The following PDE10A variants were observed in gnomAD, a reference collection of about 807,000 sequenced individuals.
The protein encoded by PDE10A is cAMP and cAMP-inhibited cGMP 3',5'-cyclic phosphodiesterase 10A.
PDE10A carries 39 observed loss-of-function variants against 97.7 expected under a neutral mutation model. That is an observed-to-expected ratio of 0.40 (90% confidence interval 0.31 to 0.52). PDE10A has a LOEUF of 0.52. PDE10A is among the 20% of genes least tolerant of loss of function. The pLI, the probability that PDE10A is intolerant of heterozygous loss-of-function variation, is 0.56. For synonymous variants in PDE10A, 371 were observed against 376.8 expected (o/e 0.98, Z 0.18); for missense variants, 731 against 1,047.8 (o/e 0.70, Z 4.17).
chr6:165,978,020 C>T (rs1026915043), intron 1 of PDE10A, among the ~76,000 whole-genome samples: 3 of 152,092 alleles, frequency 2.0e-5, no homozygotes, highest in Admixed American at 6.5e-5. Context: ...CAGAAGAGTC[C>T]CAGAGCAGGC....
chr6:165,922,242 G>A (rs1183069136), intron 1 of PDE10A, among the ~76,000 whole-genome samples: 1 of 152,146 alleles, frequency 6.6e-6, no homozygotes, highest in Non-Finnish European at 1.5e-5. Context: ...AGTGAGTTTG[G>A]TCTTGATTGC....
intron 1 of PDE10A, among the ~76,000 whole-genome samples, chr6:165,839,977 C>T: frequency 7.0e-6 from 1 of 143,814 alleles, no homozygotes; most frequent in Non-Finnish European, 1.5e-5. Flanking sequence ...GTCTTCATCC[C>T]CATCCCCATC....
chr6:165,448,383 G>A (rs1465504774), intron 5 of PDE10A, among the ~76,000 whole-genome samples: 1 of 152,144 alleles, frequency 6.6e-6, no homozygotes, highest in East Asian at 1.9e-4. Flanking sequence ...AGAAACGCAG[G>A]ATCCGGCCTG....
chr6:165,344,028 G>A (rs1782143720), intron 18 of PDE10A, among the ~76,000 whole-genome samples: 1 of 152,228 alleles, frequency 6.6e-6, no homozygotes, highest in Non-Finnish European at 1.5e-5. Flanking sequence ...CCCCGTGCAA[G>A]TGTGTGAGCT....
chr6:165,329,758 G>A lies in PDE10A; in HGVS notation c.*3267C>T, dbSNP rs1433318942. ...TCCAATTAGTTGCTTTTGTTGTGGT[G>A]AGAACGAGTCACCTGGGGCACCACT... is the stretch of plus-strand genomic sequence containing the variant. On this transcript the variant is annotated 3_prime_UTR_variant, in exon 22 of 22. Transcript: ENST00000539869. 6.6e-6 allele frequency: 1 copy of A among 152,178 alleles called. No homozygotes were observed. The highest frequency in any genetic ancestry group is 1.5e-5 in the Non-Finnish European group (1 of 68,026). 9.4% of individuals were successfully genotyped at this position (152,178 alleles called of 1,614,324 possible). A position where few individuals can be genotyped will look rare whatever the true frequency, so the allele number is the denominator to read the frequency against.
At chr6:165,669,959 T>C (rs554606273) in intron 1 of PDE10A, among the ~76,000 whole-genome samples, 1 of 152,348 alleles carries the variant, frequency 6.6e-6, no homozygotes, top group Non-Finnish European at 1.5e-5. Flanking sequence ...TTCCATGTCA[T>C]ACTGGTCATT....
Position 165,400,903 on chromosome 6 carries a change from C to T in PDE10A, c.2077-4444G>A, listed in dbSNP as rs560833181. Among the ~76,000 whole-genome samples, 61 of 152,222 alleles carry T rather than the reference C, an allele frequency of 4.0e-4. 1 individual carries two copies. Among genetic ancestry groups the T allele is most frequent in the Admixed American group, 9.2e-4 (14 of 15,278 alleles). On this transcript the variant is annotated intron_variant, in intron 13 of 21. Transcript: ENST00000539869. ...TAAAGAGGAATTAACTGTTTACGTA[C>T]ACAACACCAGCAATGAATCACAAAA... is the stretch of plus-strand genomic sequence containing the variant.
At chr6:165,943,346 G>GAAAAGAAAGAAAGAA (rs369730730) in intron 1 of PDE10A, among the ~76,000 whole-genome samples, 8 of 79,486 alleles carry the variant, frequency 1.0e-4, no homozygotes, top group African/African-American at 3.9e-4. Context: ...AGAAAGAAAA[G>GAAAAGAAAGAAAGAA]AGAAAGAAAG....
At chr6:165,405,557 T>G (rs577830639) in intron 13 of PDE10A, among the ~76,000 whole-genome samples, 2 of 152,226 alleles carry the variant, frequency 1.3e-5, no homozygotes, top group African/African-American at 4.8e-5. Flanking sequence ...TTCTAAGACT[T>G]TATTCACATA....
At chr6:165,715,591 C>A (rs145371890) in intron 1 of PDE10A, among the ~76,000 whole-genome samples, 1 of 152,262 alleles carries the variant, frequency 6.6e-6, no homozygotes, top group African/African-American at 2.4e-5. Context: ...GGGAGACACG[C>A]ACCCATGCAC....
At chr6:165,342,612 A>G (rs1219096357) in intron 19 of PDE10A, among the ~76,000 whole-genome samples, 1 of 152,248 alleles carries the variant, frequency 6.6e-6, no homozygotes, top group Non-Finnish European at 1.5e-5. Flanking sequence ...TGAATGAGAT[A>G]TACGATTGAA....
At chr6:165,606,495 C>T (rs778592039) in intron 1 of PDE10A, among the ~76,000 whole-genome samples, 3 of 152,116 alleles carry the variant, frequency 2.0e-5, no homozygotes, top group African/African-American at 7.2e-5. Context: ...GGAAAGTGAG[C>T]GTCGCCTATT....
At position 165,574,224 on chromosome 6, in the gene PDE10A, T is replaced by C. The variant is rs145942314; in HGVS notation, c.866-30656A>G. 1.5e-3 allele frequency among the ~76,000 whole-genome samples: 233 copies of C among 152,210 alleles called. 1 individual carries two copies. The highest frequency in any genetic ancestry group is 5.4e-3 in the African/African-American group (225 of 41,520). On this transcript the variant is annotated intron_variant, in intron 1 of 21. Transcript: ENST00000539869. ...CTACTTATGCAAATAAATGTCAAAG[T>C]TGTAGTCCAGAACAGTGACTCCATT...
At chr6:165,857,945 C>A (rs1418741972) in intron 1 of PDE10A, among the ~76,000 whole-genome samples, 2 of 152,158 alleles carry the variant, frequency 1.3e-5, no homozygotes, top group Non-Finnish European at 2.9e-5. Flanking sequence ...TCACTGATAA[C>A]TTCTTTTTCC....
Position 165,462,058 on chromosome 6 carries a change from CTTTTGCAGTG to C in PDE10A, c.1024-11706_1024-11697del, listed in dbSNP as rs200866712. Reference sequence around the variant, plus strand: ...GTCTTCTGCCTGTGTTAAATGTCACCTTTTGCAGTGTTTTGCAGTGATGGGTATTCCAGCT... The same window carrying C: ...GTCTTCTGCCTGTGTTAAATGTCACCTTTTGCAGTGATGGGTATTCCAGCT... On this transcript the variant is annotated intron_variant, in intron 3 of 21. Transcript: ENST00000539869. Among the ~76,000 whole-genome samples, 1,071 of 152,322 alleles carry C rather than the reference CTTTTGCAGTG, an allele frequency of 7.0e-3. 12 individuals carry two copies. Among genetic ancestry groups the C allele is most frequent in the African/African-American group, 0.024 (1,012 of 41,562 alleles).
chr6:165,581,878 G>C (rs1342217361), intron 1 of PDE10A, among the ~76,000 whole-genome samples: 2 of 152,334 alleles, frequency 1.3e-5, no homozygotes, highest in South Asian at 2.1e-4. Flanking sequence ...ATTTGGACTA[G>C]AAGTCTAACA....
intron 1 of PDE10A, among the ~76,000 whole-genome samples, chr6:165,943,346 G>GAAAGAAAGAAAGAAAGAAAA (rs369730730): frequency 1.3e-5 from 1 of 79,488 alleles, no homozygotes; most frequent in African/African-American, 5.5e-5. Flanking sequence ...AGAAAGAAAA[G>GAAAGAAAGAAAGAAAGAAAA]AGAAAGAAAG....
intron 18 of PDE10A, among the ~76,000 whole-genome samples, chr6:165,346,535 C>G (rs1185563801): frequency 2.0e-5 from 3 of 152,208 alleles, no homozygotes; most frequent in African/African-American, 7.2e-5. Context: ...GCGGGCACCT[C>G]TCCGCAGCGT....
chr6:165,741,685 A>G (rs73788777), intron 1 of PDE10A, among the ~76,000 whole-genome samples: 13,901 of 152,226 alleles, frequency 0.091, 792 homozygotes, highest in African/African-American at 0.16. Flanking sequence ...ATATATAGTA[A>G]ATTTTAAAAT....
Sources: allele counts gnomAD v4.1 joint callset (sites outside exome capture counted in the v4.1 genomes callset), GRCh38; gene constraint gnomAD v4.1.1; transcripts MANE v1.5; gene names NCBI Gene and HGNC (gene_info 2026-07-23, HGNC 2026-07-21).